The following ACSM6 variants were observed in gnomAD, a reference collection of about 807,000 sequenced individuals.
ACSM6 encodes acyl-CoA synthetase medium chain family member 6.
Under a neutral mutation model 51.1 loss-of-function variants are expected in ACSM6, and 35 were observed. The ratio of observed to expected loss-of-function variants is 0.69; its 90% CI spans 0.52 to 0.91. The LOEUF is 0.91. Among genes scored for constraint, ACSM6 ranks in the 40% least tolerant of loss-of-function variants. The probability of loss-of-function intolerance (pLI) is 0.00; values close to 1 mark genes in which losing one functional copy is unlikely to be tolerated. For synonymous variants in ACSM6, 172 were observed against 207.3 expected (o/e 0.83, Z 1.46); for missense variants, 509 against 584.1 (o/e 0.87, Z 1.32).
At chr10:95,221,625 T>C (rs2034996128) in intron 9 of ACSM6, among the ~76,000 whole-genome samples, 2 of 151,878 alleles carry the variant, frequency 1.3e-5, no homozygotes, top group African/African-American at 2.4e-5. Context: ...GTCAACAAAA[T>C]AGACCACTTA....
chr10:95,214,457 CTT>C (rs962684163), intron 7 of ACSM6, among the ~76,000 whole-genome samples: 28 of 152,368 alleles, frequency 1.8e-4, no homozygotes, highest in African/African-American at 6.7e-4. Context: ...TAGTGGCTCT[CTT>C]TCCACCTCCA....
intron 5 of ACSM6, 37 bp from the exon 6 acceptor site, chr10:95,211,841 A>C: frequency 6.4e-7 from 1 of 1,556,816 alleles, no homozygotes; most frequent in Non-Finnish European, 8.7e-7. Context: ...TAGTACCAGC[A>C]CGAGAGAATT....
intron 10 of ACSM6, chr10:95,228,125 G>A (rs2035058811): frequency 6.6e-6 from 1 of 151,936 alleles, no homozygotes; most frequent in African/African-American, 2.4e-5. Flanking sequence ...CTGCAAAATG[G>A]GCCAATCTCA....
chr10:95,213,703 A>G (rs2034916842), intron 7 of ACSM6, among the ~76,000 whole-genome samples: 2 of 152,188 alleles, frequency 1.3e-5, no homozygotes. Flanking sequence ...GGTACCAACT[A>G]AGAAGTAGAA....
chr10:95,202,469 T>G (rs1357655670), intron 3 of ACSM6, among the ~76,000 whole-genome samples: 1 of 152,188 alleles, frequency 6.6e-6, no homozygotes, highest in Non-Finnish European at 1.5e-5. Flanking sequence ...CTTACAGAAC[T>G]GTTGTGAAGA....
intron 2 of ACSM6, among the ~76,000 whole-genome samples, chr10:95,197,517 A>T (rs1185056467): frequency 6.6e-6 from 1 of 152,174 alleles, no homozygotes; most frequent in Non-Finnish European, 1.5e-5. Flanking sequence ...CTGGATGTGC[A>T]CATAAGCCAG....
At position 95,213,774 on chromosome 10, in the gene ACSM6, G is replaced by A. The variant is rs149774517; in HGVS notation, c.995+834G>A. Among the ~76,000 whole-genome samples the A allele has an allele frequency of 1.2e-4, 19 of 152,228 alleles. No homozygotes were observed. The East Asian group carries it at 3.7e-3, about 29-fold the overall frequency. On this transcript the variant is annotated intron_variant, in intron 7 of 10. Transcript: ENST00000341686. ...CACAGGTTCTCAATCATTGTATCAAGCCTTAGTGTTTGCTAAATAATCATT... is the reference window on the plus strand; with the variant it reads ...CACAGGTTCTCAATCATTGTATCAAACCTTAGTGTTTGCTAAATAATCATT...
At chr10:95,201,913 T>C (rs958598474) in intron 2 of ACSM6, 72 bp from the exon 3 acceptor site, 1 of 1,343,270 alleles carries the variant, frequency 7.4e-7, no homozygotes, top group African/African-American at 1.5e-5. Context: ...GGGTGCTGTC[T>C]GGCAACAGTG....
intron 8 of ACSM6, among the ~76,000 whole-genome samples, chr10:95,217,306 C>A (rs1304809533): frequency 6.6e-6 from 1 of 151,262 alleles, no homozygotes; most frequent in African/African-American, 2.4e-5. Context: ...CAAGATCGCA[C>A]CACTGCACTC....
chr10:95,206,849 T>C (rs1358575792), intron 3 of ACSM6, among the ~76,000 whole-genome samples: 3 of 152,224 alleles, frequency 2.0e-5, no homozygotes, highest in African/African-American at 7.2e-5. Flanking sequence ...AAAGCCATTC[T>C]CAAGCCATGA....
intron 6 of ACSM6, among the ~76,000 whole-genome samples, chr10:95,212,535 T>A (rs1288524637): frequency 6.6e-6 from 1 of 152,210 alleles, no homozygotes; most frequent in Admixed American, 6.5e-5. Context: ...ACAATTTTGC[T>A]GGCAACATCT....
intron 9 of ACSM6, among the ~76,000 whole-genome samples, chr10:95,220,394 T>G (rs1335492758): frequency 6.6e-6 from 1 of 152,234 alleles, no homozygotes; most frequent in East Asian, 1.9e-4. Context: ...TTATAAATAC[T>G]GTAATGTGAT....
Position 95,207,555 on chromosome 10 carries a change from G to A in ACSM6, c.611+140G>A. 4 of 905,194 alleles carry A rather than the reference G, an allele frequency of 4.4e-6. 1 individual carries two copies. In the South Asian group the frequency reaches 5.9e-5, roughly 13 times the overall value. 56.1% of individuals were successfully genotyped at this position (905,194 alleles called of 1,614,324 possible). The stretch of plus-strand genomic sequence containing the variant: ...CTATGCAAGATTAGATGATGTATGA[G>A]AAGGTGGTGTGAGTGGTCAGAATGA... On this transcript the variant is annotated intron_variant, in intron 4 of 10. Coordinates refer to ENST00000341686, the Ensembl canonical transcript of ACSM6.
At chr10:95,205,778 T>A (rs1348092772) in intron 3 of ACSM6, among the ~76,000 whole-genome samples, 1 of 152,228 alleles carries the variant, frequency 6.6e-6, no homozygotes, top group East Asian at 1.9e-4. Flanking sequence ...TTGAAAGTGT[T>A]TGCAGTTATC....
At chr10:95,194,825 A>C in intron 2 of ACSM6, 148 bp downstream of exon 2, 1 of 731,934 alleles carries the variant, frequency 1.4e-6, no homozygotes, top group South Asian at 2.2e-5. Flanking sequence ...GACTAAGAAC[A>C]TAGGCTTGAC....
intron 9 of ACSM6, among the ~76,000 whole-genome samples, chr10:95,222,153 A>C (rs1159830744): frequency 2.0e-5 from 3 of 152,220 alleles, no homozygotes; most frequent in African/African-American, 7.2e-5. Flanking sequence ...TGCAGATTAC[A>C]TGATCTTATA....
intron 9 of ACSM6, among the ~76,000 whole-genome samples, chr10:95,221,251 A>G (rs2034992288): frequency 6.6e-6 from 1 of 152,206 alleles, no homozygotes; most frequent in Non-Finnish European, 1.5e-5. Flanking sequence ...AACTCATGCC[A>G]TAGAAATGTG....
intron 9 of ACSM6, among the ~76,000 whole-genome samples, chr10:95,223,983 T>C (rs1320198288): frequency 6.6e-6 from 1 of 152,112 alleles, no homozygotes; most frequent in South Asian, 2.1e-4. Context: ...AAAAAATTAT[T>C]AATAGTATTT....
At chr10:95,208,963 A>G (rs1166177710) in intron 4 of ACSM6, among the ~76,000 whole-genome samples, 1 of 137,810 alleles carries the variant, frequency 7.3e-6, no homozygotes, top group Non-Finnish European at 1.6e-5. Flanking sequence ...AAAAAAAAGC[A>G]GTAAACGAGA....
Sources: allele counts gnomAD v4.1 joint callset (sites outside exome capture counted in the v4.1 genomes callset), GRCh38; gene constraint gnomAD v4.1.1; transcripts MANE v1.5; gene names NCBI Gene and HGNC (gene_info 2026-07-23, HGNC 2026-07-21).